Variants in GRIK1 observed in about 807,000 individuals in gnomAD.
The protein encoded by GRIK1 is glutamate receptor ionotropic, kainate 1.
In GRIK1, 69 loss-of-function variants were observed where a neutral mutation model predicts 105.7. The observed-to-expected ratio is 0.65, with a 90% CI of 0.54 to 0.80. The LOEUF (loss-of-function observed/expected upper bound fraction) is 0.80. GRIK1 is among the 30% of genes least tolerant of loss of function. The pLI is 0.00. For synonymous variants in GRIK1, 438 were observed against 431.3 expected (o/e 1.02, Z -0.19); for missense variants, 1,109 against 1,167.3 (o/e 0.95, Z 0.73).
At chr21:29,821,064 A>AAG (rs1489449626) in intron 1 of GRIK1, among the ~76,000 whole-genome samples, 1 of 151,796 alleles carries the variant, frequency 6.6e-6, no homozygotes, top group African/African-American at 2.4e-5. Context: ...CAGTAAAAAA[A>AAG]AAAAAAAATC....
chr21:29,636,781 A>G (rs2062405871), intron 7 of GRIK1, among the ~76,000 whole-genome samples: 1 of 152,236 alleles, frequency 6.6e-6, no homozygotes, highest in Non-Finnish European at 1.5e-5. Context: ...ATACATAGCT[A>G]CCAAGATAAA....
chr21:29,782,303 G>A (rs980476676), intron 1 of GRIK1, among the ~76,000 whole-genome samples: 10 of 151,978 alleles, frequency 6.6e-5, no homozygotes, highest in Non-Finnish European at 1.3e-4. Flanking sequence ...AGCCAGGATG[G>A]TCTCGATCTC....
At chr21:29,833,261 C>T (rs1278966952) in intron 1 of GRIK1, among the ~76,000 whole-genome samples, 1 of 152,208 alleles carries the variant, frequency 6.6e-6, no homozygotes, top group African/African-American at 2.4e-5. Context: ...AACTTTCCCT[C>T]ATATTCCTGT....
At chr21:29,842,606 A>G (rs942233524) in intron 1 of GRIK1, among the ~76,000 whole-genome samples, 13 of 152,206 alleles carry the variant, frequency 8.5e-5, no homozygotes, top group African/African-American at 2.9e-4. Flanking sequence ...CTCATGTAGG[A>G]CGGTCAATTC....
At chr21:29,821,042 C>A (rs2067288331) in intron 1 of GRIK1, among the ~76,000 whole-genome samples, 1 of 147,260 alleles carries the variant, frequency 6.8e-6, no homozygotes. Flanking sequence ...GAGCACCAAC[C>A]CTCCCAACAC....
chr21:29,841,159 G>A (rs1252493555), intron 1 of GRIK1, among the ~76,000 whole-genome samples: 1 of 151,954 alleles, frequency 6.6e-6, no homozygotes, highest in Non-Finnish European at 1.5e-5. Flanking sequence ...ACCGTAAATT[G>A]GACAGTGAGT....
chr21:29,829,586 A>G (rs947748744), intron 1 of GRIK1, among the ~76,000 whole-genome samples: 2 of 152,180 alleles, frequency 1.3e-5, no homozygotes, highest in African/African-American at 4.8e-5. Flanking sequence ...GCCACTCAGT[A>G]TCATTTCCCT....
intron 1 of GRIK1, among the ~76,000 whole-genome samples, chr21:29,923,827 G>A (rs1453405747): frequency 6.6e-6 from 1 of 152,132 alleles, no homozygotes; most frequent in Non-Finnish European, 1.5e-5. Context: ...AAGAGGAGAT[G>A]ATTAGGATTA....
At chr21:29,894,059 G>A (rs2070012172) in intron 1 of GRIK1, among the ~76,000 whole-genome samples, 1 of 152,190 alleles carries the variant, frequency 6.6e-6, no homozygotes, top group Non-Finnish European at 1.5e-5. Flanking sequence ...GGTTGCACAT[G>A]AGGAATAGTG....
At chr21:29,849,017 T>C (rs941005483) in intron 1 of GRIK1, among the ~76,000 whole-genome samples, 5 of 151,982 alleles carry the variant, frequency 3.3e-5, no homozygotes, top group Non-Finnish European at 7.4e-5. Context: ...AAATCTGTTT[T>C]GTTAACCAAG....
chr21:29,747,743 C>T (rs111983089), intron 1 of GRIK1, among the ~76,000 whole-genome samples: 3,120 of 152,178 alleles, frequency 0.021, 112 homozygotes, highest in African/African-American at 0.072. Flanking sequence ...GCAGGAGAAT[C>T]GCTTGAACCT....
intron 1 of GRIK1, among the ~76,000 whole-genome samples, chr21:29,846,364 G>C (rs1477393827): frequency 1.3e-5 from 2 of 148,874 alleles, no homozygotes; most frequent in Non-Finnish European, 3.0e-5. Flanking sequence ...CTCCAGCTTG[G>C]GCAACAAGAG....
At chr21:29,848,878 C>T (rs1244548017) in intron 1 of GRIK1, among the ~76,000 whole-genome samples, 2 of 148,746 alleles carry the variant, frequency 1.3e-5, no homozygotes, top group African/African-American at 5.0e-5. Context: ...TAAATGTCGT[C>T]TCTTATGGAA....
chr21:29,767,127 A>G (rs1250284134), intron 1 of GRIK1, among the ~76,000 whole-genome samples: 2 of 152,242 alleles, frequency 1.3e-5, no homozygotes, highest in Non-Finnish European at 2.9e-5. Flanking sequence ...GGAGGGGTAG[A>G]ATGGTGCCCA....
chr21:29,843,407 A>G (rs2068032771), intron 1 of GRIK1, among the ~76,000 whole-genome samples: 1 of 152,234 alleles, frequency 6.6e-6, no homozygotes, highest in African/African-American at 2.4e-5. Context: ...TAGAGCTAAC[A>G]TCTGATCTAC....
intron 1 of GRIK1, among the ~76,000 whole-genome samples, chr21:29,710,013 G>C (rs2064006798): frequency 6.6e-6 from 1 of 151,580 alleles, no homozygotes; most frequent in African/African-American, 2.4e-5. Context: ...ATTATTTATG[G>C]TTTGGAAGGC....
chr21:29,588,972 C>T lies in GRIK1; in HGVS notation c.1436G>A (p.Cys479Tyr). 6 of 1,600,468 alleles carry T rather than the reference C, an allele frequency of 3.7e-6. No homozygotes were observed. The highest frequency in any genetic ancestry group is 4.3e-6 in the Non-Finnish European group (5 of 1,167,564). Reference protein sequence around the residue: ...LYGNDRFEGYCLDLLKELSNI... With the variant: ...LYGNDRFEGYYLDLLKELSNI... ...TGACAATTCTTTCAACAGGTCTAGGCAATATCCTTCAAATCTGTCATTTCC... is the reference window on the plus strand; with the variant it reads ...TGACAATTCTTTCAACAGGTCTAGGTAATATCCTTCAAATCTGTCATTTCC... The change falls in exon 11 of 18, where the codon TGC becomes TAC. Residue 479 changes from cysteine (C) to tyrosine (Y), a missense_variant. By Grantham distance (194) the Cys-to-Tyr change is radical (BLOSUM62 -2). Coordinates refer to ENST00000327783, the MANE Select transcript of GRIK1 (RefSeq NM_001330994.2).
intron 1 of GRIK1, among the ~76,000 whole-genome samples, chr21:29,797,096 C>T (rs1399194970): frequency 2.0e-5 from 3 of 152,060 alleles, no homozygotes; most frequent in Non-Finnish European, 2.9e-5. Flanking sequence ...AATCAGGTAG[C>T]GGCTATCAAG....
intron 10 of GRIK1, among the ~76,000 whole-genome samples, chr21:29,590,271 T>C (rs2061313761): frequency 6.6e-6 from 1 of 152,174 alleles, no homozygotes; most frequent in Non-Finnish European, 1.5e-5. Flanking sequence ...GATGAACAAT[T>C]CTCACAAGTT....
Sources: allele counts gnomAD v4.1 joint callset (sites outside exome capture counted in the v4.1 genomes callset), GRCh38; gene constraint gnomAD v4.1.1; transcripts MANE v1.5; gene names NCBI Gene and HGNC (gene_info 2026-07-23, HGNC 2026-07-21).